The following NCOR2 variants were observed in gnomAD, a reference collection of about 807,000 sequenced individuals.
The protein encoded by NCOR2 is CTG repeat protein 26.
In NCOR2, 81 loss-of-function variants were observed where a neutral mutation model predicts 262.9. The ratio of observed to expected loss-of-function variants is 0.31; its 90% CI spans 0.26 to 0.37. The LOEUF (loss-of-function observed/expected upper bound fraction) is 0.37, where lower values mean the gene tolerates loss of function less well. NCOR2 is among the 10% of genes least tolerant of loss of function. The pLI is 1.00. For missense variants in NCOR2, 3,385 were observed against 3,621.4 expected (o/e 0.93, Z 1.68); for synonymous variants, 1,659 against 1,559.3 (o/e 1.06, Z -1.51).
At chr12:124,353,176 C>T (rs1442356957) in intron 27 of NCOR2, among the ~76,000 whole-genome samples, 2 of 152,152 alleles carry the variant, frequency 1.3e-5, no homozygotes, top group East Asian at 3.9e-4. Context: ...CAGGTGGATG[C>T]CTGGGAACTT....
intron 1 of NCOR2, among the ~76,000 whole-genome samples, chr12:124,533,232 A>T (rs1187945681): frequency 6.6e-6 from 1 of 151,678 alleles, no homozygotes; most frequent in African/African-American, 2.4e-5. Flanking sequence ...CCAAAGGCTC[A>T]GGAAGAAGTA....
At chr12:124,332,883 T>C (rs917150355) in intron 42 of NCOR2, among the ~76,000 whole-genome samples, 5 of 152,118 alleles carry the variant, frequency 3.3e-5, no homozygotes, top group African/African-American at 1.2e-4. Context: ...ACAGGGGCTG[T>C]CAACGGGGGC....
chr12:124,393,861 C>G (rs146680525), intron 16 of NCOR2, among the ~76,000 whole-genome samples: 2 of 152,264 alleles, frequency 1.3e-5, no homozygotes, highest in South Asian at 4.1e-4. Flanking sequence ...GTGCCCAGCA[C>G]GCAGGATGGG....
chr12:124,431,122 C>T (rs1210011900), intron 8 of NCOR2, among the ~76,000 whole-genome samples: 3 of 146,700 alleles, frequency 2.0e-5, no homozygotes, highest in African/African-American at 8.3e-5. Flanking sequence ...TACACAGGCA[C>T]ACACAAGTCA....
chr12:124,423,348 G>T (rs1260807502), intron 11 of NCOR2, among the ~76,000 whole-genome samples: 3 of 152,210 alleles, frequency 2.0e-5, no homozygotes, highest in African/African-American at 7.2e-5. Flanking sequence ...GCAGCGGCTG[G>T]CTGCTAGTGA....
At chr12:124,508,951 T>C (rs1468128531) in intron 1 of NCOR2, among the ~76,000 whole-genome samples, 5 of 152,030 alleles carry the variant, frequency 3.3e-5, no homozygotes, top group Non-Finnish European at 5.9e-5. Context: ...GGCCCTCAAC[T>C]ATTAAATATA....
At chr12:124,380,687 T>C (rs949976114) in intron 17 of NCOR2, among the ~76,000 whole-genome samples, 1 of 152,052 alleles carries the variant, frequency 6.6e-6, no homozygotes, top group African/African-American at 2.4e-5. Flanking sequence ...GGGCGGTGGC[T>C]GGGACATGGG....
Position 124,535,254 on chromosome 12 carries a change from G to A in NCOR2, c.-118+311C>T, listed in dbSNP as rs530393188. Among the ~76,000 whole-genome samples the A allele has an allele frequency of 1.1e-4, 17 of 152,308 alleles. No individual in the cohort carries two copies. In the South Asian group the frequency reaches 2.9e-3, roughly 26 times the overall value. On this transcript the variant is annotated intron_variant, in intron 1 of 46. Transcript: ENST00000404621. Reference sequence around the variant, plus strand: ...CAAAAGCAATGTGACCAAGAACCCCGGAGCCCGGGGAAGCCCACCCTCCTG... The same window carrying A: ...CAAAAGCAATGTGACCAAGAACCCCAGAGCCCGGGGAAGCCCACCCTCCTG...
chr12:124,485,586 C>G (rs566337125), intron 2 of NCOR2, among the ~76,000 whole-genome samples: 3 of 152,240 alleles, frequency 2.0e-5, no homozygotes, highest in African/African-American at 7.2e-5. Flanking sequence ...GCCCAGGAAA[C>G]CAATCCAGGT....
In NCOR2 at chr12:124,426,660, G is replaced by A. The variant is rs770015148; in HGVS notation, c.1290C>T (p.Asn430=). Residue 430 remains asparagine (N), a synonymous_variant, in exon 11 of 47, where the codon AAC becomes AAT. Transcript: ENST00000405201. ...TCTCCTTCTCCTGCTCACTCCACATGTTCATGACCTGGCGGTCTTTGTACA... is the reference window on the plus strand; with the variant it reads ...TCTCCTTCTCCTGCTCACTCCACATATTCATGACCTGGCGGTCTTTGTACA... 13 of 1,606,734 alleles carry A rather than the reference G, an allele frequency of 8.1e-6. No homozygotes were observed. The South Asian group carries it at 1.3e-4, about 16-fold the overall frequency.
intron 5 of NCOR2, among the ~76,000 whole-genome samples, chr12:124,459,702 T>C (rs554982236): frequency 6.6e-6 from 1 of 152,274 alleles, no homozygotes; most frequent in East Asian, 1.9e-4. Context: ...GCAGAGGAGA[T>C]ACCCTCTAGA....
intron 16 of NCOR2, chr12:124,388,880 G>T: frequency 3.1e-6 from 3 of 955,014 alleles, no homozygotes; most frequent in Non-Finnish European, 4.0e-6. Context: ...GAGGGAGGGA[G>T]GGAGGGAGGG....
intron 1 of NCOR2, among the ~76,000 whole-genome samples, chr12:124,525,871 GA>G (rs939789778): frequency 3.9e-5 from 6 of 152,270 alleles, no homozygotes; most frequent in African/African-American, 1.4e-4. Context: ...CCCTTAACTA[GA>G]AAACAGGGCT....
chr12:124,403,694 G>A (rs1218233413), intron 13 of NCOR2, among the ~76,000 whole-genome samples: 1 of 152,182 alleles, frequency 6.6e-6, no homozygotes, highest in Non-Finnish European at 1.5e-5. Context: ...GGAAGAGGAG[G>A]GATCGGGGAG....
At chr12:124,388,700 T>A (rs1045410135) in intron 16 of NCOR2, 8 of 1,304,252 alleles carry the variant, frequency 6.1e-6, no homozygotes, top group Middle Eastern at 2.1e-4. Flanking sequence ...CTCATTCGCG[T>A]CTCCCCCTCG....
intron 43 of NCOR2, 153 bp downstream of exon 45, chr12:124,332,166 G>A (rs2035255569): frequency 5.5e-6 from 5 of 911,328 alleles, no homozygotes; most frequent in Non-Finnish European, 8.1e-6. Flanking sequence ...CCCCAAATGT[G>A]AGGCAAAGGG....
chr12:124,383,587 T>A (rs1210577185), intron 17 of NCOR2: 2 of 258,992 alleles, frequency 7.7e-6, no homozygotes, highest in Non-Finnish European at 1.3e-5. Flanking sequence ...GTAGATGGCA[T>A]CCAGATAAAA....
At chr12:124,428,620 A>G (rs1316645004) in intron 10 of NCOR2, among the ~76,000 whole-genome samples, 1 of 152,220 alleles carries the variant, frequency 6.6e-6, no homozygotes, top group Non-Finnish European at 1.5e-5. Context: ...CTCTGCAGCC[A>G]GGGAGGTGTT....
chr12:124,390,337 T>C (rs150092380), intron 16 of NCOR2, among the ~76,000 whole-genome samples: 2,440 of 152,308 alleles, frequency 0.016, 60 homozygotes, highest in African/African-American at 0.055. Context: ...TCTGGGTCAC[T>C]CGTGTGTGCC....
Sources: gnomAD v4.1 joint callset for allele counts (sites outside exome capture counted in the v4.1 genomes callset) on GRCh38, gnomAD v4.1.1 for gene constraint, MANE v1.5 for transcripts, NCBI Gene and HGNC (gene_info 2026-07-23, HGNC 2026-07-21) for gene names.